NT5C2: variants seen among roughly 807,000 people sequenced by gnomAD.
The protein encoded by NT5C2 is cytosolic purine 5'-nucleotidase.
NT5C2 carries 58 observed loss-of-function variants against 76.1 expected under a neutral mutation model. That is an observed-to-expected ratio of 0.76 (90% CI 0.62 to 0.95). The LOEUF is 0.95. Among genes scored for constraint, NT5C2 ranks in the 40% least tolerant of loss-of-function variants. The pLI is 0.00. For synonymous variants in NT5C2, 229 were observed against 237.4 expected (o/e 0.96, Z 0.32); for missense variants, 478 against 690.3 (o/e 0.69, Z 3.45).
At chr10:103,111,802 T>C (rs1314335552) in intron 4 of NT5C2, 1 of 1,231,618 alleles carries the variant, frequency 8.1e-7, no homozygotes, top group Non-Finnish European at 1.0e-6. Context: ...TTACACTGGC[T>C]CTCCTGTTAA....
intron 4 of NT5C2, chr10:103,111,854 G>C: frequency 8.6e-7 from 1 of 1,161,496 alleles, no homozygotes; most frequent in Non-Finnish European, 1.1e-6. Flanking sequence ...AAAAACAAAA[G>C]CTGGTTTTAA....
At chr10:103,152,533 A>T (rs985282141) in intron 3 of NT5C2, among the ~76,000 whole-genome samples, 1 of 152,216 alleles carries the variant, frequency 6.6e-6, no homozygotes, top group African/African-American at 2.4e-5. Context: ...CTAGAAAGAT[A>T]ATTAATAGAT....
chr10:103,121,871 CT>C (rs1276329035), intron 4 of NT5C2, among the ~76,000 whole-genome samples: 2 of 152,146 alleles, frequency 1.3e-5, no homozygotes, highest in Admixed American at 6.6e-5. Context: ...AAAAAATGCA[CT>C]ATTTAATTTT....
At chr10:103,094,602 A>G in intron 12 of NT5C2, 147 bp from the exon 13 acceptor site, 1 of 612,712 alleles carries the variant, frequency 1.6e-6, no homozygotes, top group Non-Finnish European at 2.9e-6. Context: ...GTATTGTGTC[A>G]GCCAGGCACA....
At chr10:103,190,976 T>C (rs1460222471) in intron 1 of NT5C2, among the ~76,000 whole-genome samples, 2 of 152,226 alleles carry the variant, frequency 1.3e-5, no homozygotes, top group Non-Finnish European at 2.9e-5. Context: ...GTGTACTAGA[T>C]AAAAACCAGT....
At chr10:103,110,899 T>C (rs1424747179) in intron 4 of NT5C2, among the ~76,000 whole-genome samples, 2 of 152,238 alleles carry the variant, frequency 1.3e-5, no homozygotes, top group African/African-American at 2.4e-5. Context: ...GTGATAAACA[T>C]ATTTATTGTG....
intron 10 of NT5C2, chr10:103,098,072 A>G (rs752632783): frequency 3.8e-6 from 2 of 530,286 alleles, no homozygotes; most frequent in Non-Finnish European, 7.7e-6. Context: ...AAAATACTGT[A>G]TTCTGCTACT....
At chr10:103,129,913 C>A (rs1249334253) in intron 4 of NT5C2, among the ~76,000 whole-genome samples, 1 of 98,854 alleles carries the variant, frequency 1.0e-5, no homozygotes, top group Non-Finnish European at 2.1e-5. Context: ...CCAGCCGCCC[C>A]GTCCGGGAGG....
rs1457224574 is a variant in NT5C2 at position 103,101,044 on chromosome 10, C to T, written c.539+1G>A. The T allele has an allele frequency of 2.0e-6, 3 of 1,486,920 alleles. No homozygotes were observed. The highest frequency in any genetic ancestry group is 2.8e-6 in the Non-Finnish European group (3 of 1,064,558). 92.1% of individuals were successfully genotyped at this position (1,486,920 alleles called of 1,614,324 possible). ...AAAAAATAATTATAGTATATACATA[C>T]CTGGTATATCTGGGACAATTAGTAA... On this transcript the variant is annotated splice_donor_variant, in intron 8 of 18. Transcript: ENST00000404739. LOFTEE classifies it high-confidence loss of function.
intron 4 of NT5C2, among the ~76,000 whole-genome samples, chr10:103,128,001 C>G (rs536662762): frequency 4.6e-5 from 7 of 151,648 alleles, no homozygotes; most frequent in African/African-American, 1.7e-4. Flanking sequence ...TACCCACCCC[C>G]TGCAAAAACA....
intron 4 of NT5C2, among the ~76,000 whole-genome samples, chr10:103,112,015 G>C (rs999901804): frequency 6.6e-6 from 1 of 152,138 alleles, no homozygotes; most frequent in African/African-American, 2.4e-5. Context: ...ATAAGCCTAA[G>C]TATTATTGTG....
At chr10:103,179,428 C>G (rs1050557077) in intron 2 of NT5C2, among the ~76,000 whole-genome samples, 2 of 151,994 alleles carry the variant, frequency 1.3e-5, no homozygotes, top group Non-Finnish European at 2.9e-5. Flanking sequence ...GTTCAGAGAC[C>G]TGAGTAAAGT....
chr10:103,101,556 G>A (rs1377251435), intron 6 of NT5C2, among the ~76,000 whole-genome samples: 1 of 149,132 alleles, frequency 6.7e-6, no homozygotes, highest in Non-Finnish European at 1.5e-5. Flanking sequence ...TTTAAGTCCA[G>A]GCTGGACTCA....
At chr10:103,165,565 C>T (rs1215138222) in intron 3 of NT5C2, among the ~76,000 whole-genome samples, 1 of 145,082 alleles carries the variant, frequency 6.9e-6, no homozygotes, top group Admixed American at 7.3e-5. Flanking sequence ...CGTGCACTAC[C>T]ACCTGTGGCT....
At chr10:103,119,864 T>C (rs2075299072) in intron 4 of NT5C2, among the ~76,000 whole-genome samples, 1 of 152,128 alleles carries the variant, frequency 6.6e-6, no homozygotes, top group Non-Finnish European at 1.5e-5. Flanking sequence ...TCTGGAAGGC[T>C]GAGGCTGGTG....
chr10:103,189,997 CTT>C (rs1239145078), intron 1 of NT5C2, among the ~76,000 whole-genome samples: 4 of 108,038 alleles, frequency 3.7e-5, no homozygotes, highest in Admixed American at 1.1e-4. Context: ...TTGTGGCTTT[CTT>C]TTTTTTTTTT....
rs777271362 is a variant in NT5C2 at position 103,097,277 on chromosome 10, C to T, written c.771+14G>A. The stretch of plus-strand genomic sequence containing the variant: ...ATTCCACTGCATAAATAAATATACA[C>T]ATGAAGCACTTACATCTGTATATTT... On this transcript the variant is annotated intron_variant, in intron 11 of 18. Transcript: ENST00000404739. The T allele has an allele frequency of 6.4e-7, 1 of 1,564,668 alleles. No homozygotes were observed. The highest frequency in any genetic ancestry group is 1.1e-5 in the South Asian group (1 of 88,722).
chr10:103,172,229 A>T (rs1565276997), intron 3 of NT5C2, among the ~76,000 whole-genome samples: 1 of 151,348 alleles, frequency 6.6e-6, no homozygotes, highest in Non-Finnish European at 1.5e-5. Context: ...AAAAATTTAA[A>T]TACAATTTTA....
At chr10:103,143,418 A>G (rs1021746182) in intron 3 of NT5C2, among the ~76,000 whole-genome samples, 26 of 151,868 alleles carry the variant, frequency 1.7e-4, no homozygotes, top group Non-Finnish European at 1.5e-5. Context: ...TGCCTAATTT[A>G]TATATTTATA....
Sources: allele counts gnomAD v4.1 joint callset (sites outside exome capture counted in the v4.1 genomes callset), GRCh38; gene constraint gnomAD v4.1.1; transcripts MANE v1.5; gene names NCBI Gene and HGNC (gene_info 2026-07-23, HGNC 2026-07-21).